Variants in CALCOCO2 observed in about 807,000 individuals in gnomAD.
The protein encoded by CALCOCO2 is calcium-binding and coiled-coil domain-containing protein 2.
A neutral mutation model predicts 62.5 loss-of-function variants in CALCOCO2; 42 were observed. The observed-to-expected ratio is 0.67, with a 90% CI of 0.53 to 0.87. The LOEUF (loss-of-function observed/expected upper bound fraction) is 0.87. CALCOCO2 is among the 40% of genes least tolerant of loss of function. The probability of loss-of-function intolerance (pLI) is 0.00; values close to 1 mark genes in which losing one functional copy is unlikely to be tolerated. For missense variants in CALCOCO2, 456 were observed against 515.0 expected (o/e 0.89, Z 1.11); for synonymous variants, 167 against 173.0 (o/e 0.97, Z 0.27).
chr17:48,834,334 G>A (rs1477055360), intron 1 of CALCOCO2, among the ~76,000 whole-genome samples: 1 of 152,062 alleles, frequency 6.6e-6, no homozygotes, highest in Non-Finnish European at 1.5e-5. Context: ...CTGCTCCTCT[G>A]AGGGCCCTAA....
chr17:48,858,022 T>G (rs940572695), intron 10 of CALCOCO2, among the ~76,000 whole-genome samples: 1 of 13,402 alleles, frequency 7.5e-5, no homozygotes, highest in East Asian at 5.4e-3. Context: ...TAGAATAGAA[T>G]AGAATAGAAT....
chr17:48,837,368 G>A (rs1187005161), intron 1 of CALCOCO2, among the ~76,000 whole-genome samples: 1 of 152,002 alleles, frequency 6.6e-6, no homozygotes, highest in Non-Finnish European at 1.5e-5. Flanking sequence ...TTTTGAGCCG[G>A]GCATGGTGGC....
At position 48,854,382 on chromosome 17, in the gene CALCOCO2, T is replaced by TTATATATATATATATATATATATA. The variant is rs201839175; in HGVS notation, c.912+1385_912+1386insATATATATATATATATATATATAT. Among the ~76,000 whole-genome samples the TTATATATATATATATATATATATA allele has an allele frequency of 1.2e-3, 7 of 5,992 alleles. 1 individual carries two copies. The highest frequency in any genetic ancestry group is 1.8e-3 in the Non-Finnish European group (3 of 1,666). 3.9% of individuals were successfully genotyped at this position (5,992 alleles called of 152,430 possible). On this transcript the variant is annotated intron_variant, in intron 9 of 12. Transcript: ENST00000258947. The stretch of plus-strand genomic sequence containing the variant: ...ATGGATTTCCTTGGTTTTCTTTTAT[T>TTATATATATATATATATATATATA]TATATATATATATATTTTTTTTTTT...
At chr17:48,848,516 A>T (rs939375841) in intron 4 of CALCOCO2, 61 bp downstream of exon 4, 1 of 1,493,290 alleles carries the variant, frequency 6.7e-7, no homozygotes, top group African/African-American at 1.4e-5. Context: ...ATAGGATAGG[A>T]TGGAATTTGA....
At chr17:48,860,276 A>T (rs764636802) in intron 10 of CALCOCO2, 38 bp from the exon 11 acceptor site, 1 of 1,591,740 alleles carries the variant, frequency 6.3e-7, no homozygotes, top group South Asian at 1.1e-5. Context: ...CATTCTTGGT[A>T]TTGTCTTTCA....
chr17:48,850,994 T>C (rs963587910), intron 5 of CALCOCO2, 95 bp from the exon 6 acceptor site: 8 of 714,418 alleles, frequency 1.1e-5, no homozygotes, highest in African/African-American at 1.8e-5. Context: ...GCCTGACATA[T>C]AGTAAGTGCT....
intron 10 of CALCOCO2, among the ~76,000 whole-genome samples, chr17:48,857,168 C>G (rs1307338524): frequency 6.7e-6 from 1 of 149,374 alleles, no homozygotes; most frequent in Non-Finnish European, 1.5e-5. Context: ...ACTCCTGTAT[C>G]TATACTTCCA....
At chr17:48,849,508 T>TTTTG (rs1016829275) in intron 5 of CALCOCO2, 131 bp downstream of exon 5, 7 of 795,180 alleles carry the variant, frequency 8.8e-6, no homozygotes, top group East Asian at 5.4e-5. Flanking sequence ...CAGGCATTAG[T>TTTTG]TTTGTTTGTT....
intron 1 of CALCOCO2, among the ~76,000 whole-genome samples, chr17:48,832,066 G>C (rs1052263845): frequency 2.0e-5 from 3 of 152,170 alleles, no homozygotes; most frequent in Non-Finnish European, 2.9e-5. Context: ...ATTGTCTTTC[G>C]AGTCAGATAG....
chr17:48,857,915 T>TG (rs1307884343), intron 10 of CALCOCO2, among the ~76,000 whole-genome samples: 2 of 148,748 alleles, frequency 1.3e-5, no homozygotes, highest in African/African-American at 4.9e-5. Context: ...AGGTGGAGCT[T>TG]GCAGTGAGCC....
At chr17:48,857,974 CAATAGAATAGAATAGAATAGAATAG>C (rs1555573799) in intron 10 of CALCOCO2, among the ~76,000 whole-genome samples, 1 of 40,132 alleles carries the variant, frequency 2.5e-5, no homozygotes, top group African/African-American at 7.4e-5. Flanking sequence ...AAGACTACAT[CAATAGAATAGAATAGAATAGAATAG>C]AATAGAATAG....
At chr17:48,850,567 A>G (rs2040114651) in intron 5 of CALCOCO2, among the ~76,000 whole-genome samples, 1 of 152,196 alleles carries the variant, frequency 6.6e-6, no homozygotes, top group African/African-American at 2.4e-5. Context: ...TTTTAAAATT[A>G]TATGTAGCTC....
At chr17:48,856,246 C>T in intron 10 of CALCOCO2, 59 bp downstream of exon 10, 1 of 916,324 alleles carries the variant, frequency 1.1e-6, no homozygotes, top group South Asian at 1.5e-5. Context: ...ATCAGGGTGG[C>T]CCAGAGATGT....
At chr17:48,832,108 G>C (rs1255075394) in intron 1 of CALCOCO2, among the ~76,000 whole-genome samples, 1 of 152,164 alleles carries the variant, frequency 6.6e-6, no homozygotes, top group East Asian at 1.9e-4. Flanking sequence ...ATTTAATTTG[G>C]CTGACTAGGC....
intron 10 of CALCOCO2, among the ~76,000 whole-genome samples, chr17:48,857,762 C>T (rs1017251582): frequency 2.7e-5 from 4 of 149,204 alleles, no homozygotes; most frequent in African/African-American, 9.8e-5. Context: ...ATCACAAGGT[C>T]AGGAGATCGA....
chr17:48,832,638 A>C (rs1161672492), intron 1 of CALCOCO2, among the ~76,000 whole-genome samples: 1 of 152,186 alleles, frequency 6.6e-6, no homozygotes, highest in East Asian at 1.9e-4. Flanking sequence ...GAGTGGCAGA[A>C]CTAAGATAGG....
At position 48,848,364 on chromosome 17, in the gene CALCOCO2, A is replaced by T. The variant is rs762909130; in HGVS notation, c.326A>T (p.Tyr109Phe). The T allele has an allele frequency of 6.2e-7, 1 of 1,613,216 alleles. No homozygotes were observed. Residue 109 changes from tyrosine (Y) to phenylalanine (F), a missense_variant, in exon 4 of 13, where the codon TAT (tyrosine) becomes TTT (phenylalanine). Tyr to Phe is a conservative substitution (Grantham distance 22). Transcript: ENST00000258947. ...PKDDEYYQFC[Y>F]VDEDGVVRGA... The stretch of plus-strand genomic sequence containing the variant: ...GATGATGAGTATTACCAGTTCTGCT[A>T]TGTGGATGAGGATGGTGTGGTCCGG...
intron 5 of CALCOCO2, 53 bp from the exon 6 acceptor site, chr17:48,851,036 C>A: frequency 2.1e-6 from 2 of 957,728 alleles, no homozygotes; most frequent in Non-Finnish European, 1.7e-6. Context: ...CTAAGATACT[C>A]ATTCAAAAGT....
intron 9 of CALCOCO2, chr17:48,855,821 G>A (rs2040206471): frequency 4.9e-6 from 1 of 205,546 alleles, no homozygotes; most frequent in Admixed American, 5.9e-5. Flanking sequence ...TTTCCCCAAG[G>A]TTGCTTTTTC....
Sources: gnomAD v4.1 joint callset for allele counts (sites outside exome capture counted in the v4.1 genomes callset) on GRCh38, gnomAD v4.1.1 for gene constraint, MANE v1.5 for transcripts, NCBI Gene and HGNC (gene_info 2026-07-23, HGNC 2026-07-21) for gene names.